The following SUSD5 variants were observed in gnomAD, a reference collection of about 807,000 sequenced individuals.
SUSD5 encodes sushi domain containing 5.
SUSD5 carries 33 observed loss-of-function variants against 29.5 expected under a neutral mutation model. That is an observed-to-expected ratio of 1.12 (90% CI 0.85 to 1.49). The LOEUF (loss-of-function observed/expected upper bound fraction) is 1.49. SUSD5 is among the 40% of genes most tolerant of loss of function. SUSD5 has a pLI of 0.00. For missense variants in SUSD5, 776 were observed against 800.6 expected (o/e 0.97, Z 0.37); for synonymous variants, 308 against 325.3 (o/e 0.95, Z 0.57).
At chr3:33,213,889 A>G in intron 2 of SUSD5, 39 bp downstream of exon 2, 6 of 1,557,912 alleles carry the variant, frequency 3.9e-6, no homozygotes, top group Admixed American at 3.6e-5. Flanking sequence ...TGGTGGTGCA[A>G]CTGGGGTGAG....
chr3:33,155,843 C>T (rs918145174), intron 4 of SUSD5, among the ~76,000 whole-genome samples: 3 of 152,058 alleles, frequency 2.0e-5, no homozygotes, highest in South Asian at 2.1e-4. Flanking sequence ...CTATGGATGT[C>T]GGAACTCAGG....
At chr3:33,195,764 G>T in intron 3 of SUSD5, among the ~76,000 whole-genome samples, 1 of 143,110 alleles carries the variant, frequency 7.0e-6, no homozygotes. Context: ...AAAACAGAAT[G>T]CAATCTTATA....
At chr3:33,210,627 A>G (rs2032305696) in intron 2 of SUSD5, among the ~76,000 whole-genome samples, 1 of 152,186 alleles carries the variant, frequency 6.6e-6, no homozygotes, top group Non-Finnish European at 1.5e-5. Flanking sequence ...TACAAGATGC[A>G]CCACACATTT....
At chr3:33,155,868 T>A (rs2031039226) in intron 4 of SUSD5, among the ~76,000 whole-genome samples, 1 of 152,142 alleles carries the variant, frequency 6.6e-6, no homozygotes, top group African/African-American at 2.4e-5. Context: ...TAGTTACACT[T>A]GGGTAGGAGA....
At chr3:33,163,882 C>A (rs1439573964) in intron 4 of SUSD5, among the ~76,000 whole-genome samples, 5 of 152,186 alleles carry the variant, frequency 3.3e-5, no homozygotes, top group Non-Finnish European at 7.3e-5. Context: ...CACCTGTAGT[C>A]CCAGCTACTT....
rs1012926035 is a variant in SUSD5, at chr3:33,176,886, C to T, written c.410-1812G>A. 3.9e-5 allele frequency among the ~76,000 whole-genome samples: 6 copies of T among 152,288 alleles called. No individual in the cohort carries two copies. In the South Asian group the frequency reaches 1.2e-3, roughly 32 times the overall value. On this transcript the variant is annotated intron_variant, in intron 3 of 4. Coordinates refer to ENST00000309558, the MANE Select transcript of SUSD5 (RefSeq NM_015551.2). ...CATTGTATTGCCTTTTCTCCTTAGT[C>T]AAAGATGAATCAACTATATTTATGT...
chr3:33,175,241 T>C (rs2031525143), intron 3 of SUSD5, among the ~76,000 whole-genome samples, 167 bp from the exon 4 acceptor site: 1 of 152,148 alleles, frequency 6.6e-6, no homozygotes, highest in Non-Finnish European at 1.5e-5. Flanking sequence ...CCTGGCAGAA[T>C]ACCTGGAATA....
Position 33,153,650 on chromosome 3 carries a change from T to G in SUSD5, c.982A>C (p.Lys328Gln). 1 of 1,614,042 alleles carries G rather than the reference T, an allele frequency of 6.2e-7. No individual in the cohort carries two copies. The highest frequency in any genetic ancestry group is 8.5e-7 in the Non-Finnish European group (1 of 1,179,904). Residue 328 changes from lysine (K) to glutamine (Q), a missense_variant, in exon 5 of 5, where the codon AAA becomes CAA. By Grantham distance (53) the Lys-to-Gln change is moderately conservative. Transcript: ENST00000309558. ...GTTTCAGGTTCACCTGGGACCAATTTTACACCACTGTGGTTGTCTCCAGCA... is the reference window on the plus strand; with the variant it reads ...GTTTCAGGTTCACCTGGGACCAATTGTACACCACTGTGGTTGTCTCCAGCA... ...FSAGDNHSGVKLVPGEPETKV... is the reference protein window; with the variant it reads ...FSAGDNHSGVQLVPGEPETKV...
intron 4 of SUSD5, chr3:33,168,472 A>G (rs1429770613): frequency 9.3e-6 from 9 of 970,324 alleles, no homozygotes; most frequent in Non-Finnish European, 1.1e-5. Context: ...TTAATTTAAG[A>G]AAACAAAATA....
intron 4 of SUSD5, among the ~76,000 whole-genome samples, chr3:33,156,370 T>C (rs1216496375): frequency 6.6e-6 from 1 of 152,118 alleles, no homozygotes; most frequent in African/African-American, 2.4e-5. Flanking sequence ...ACTGATTTGC[T>C]CTCTGTAAAA....
intron 3 of SUSD5, among the ~76,000 whole-genome samples, chr3:33,192,249 C>CTTTTTTTTT: frequency 7.6e-6 from 1 of 131,902 alleles, no homozygotes. Context: ...AATTTTTTTT[C>CTTTTTTTTT]TTTTTTTTTT....
At chr3:33,154,118 A>C in intron 4 of SUSD5, 85 bp from the exon 5 acceptor site, 1 of 1,129,088 alleles carries the variant, frequency 8.9e-7, no homozygotes, top group East Asian at 2.6e-5. Flanking sequence ...TAAAAGCATA[A>C]AGGCTGGGAC....
Position 33,167,852 on chromosome 3 carries a change from C to G in SUSD5, c.598+7034G>C, listed in dbSNP as rs2031337118. On this transcript the variant is annotated intron_variant, in intron 4 of 4. Transcript: ENST00000309558. The surrounding 1 kb of genome is among the most constrained non-coding windows in gnomAD (Gnocchi z 4.1). ...TCCCCTCTGCTTTCCTGAGTCTGCA[C>G]TCTGACTCAGATCATTCAGCCATCC... is the stretch of plus-strand genomic sequence containing the variant. 6.6e-6 allele frequency among the ~76,000 whole-genome samples: 1 copy of G among 152,196 alleles called. No homozygotes were observed. The highest frequency in any genetic ancestry group is 2.4e-5 in the African/African-American group (1 of 41,450).
chr3:33,188,957 T>A (rs902597576), intron 3 of SUSD5, among the ~76,000 whole-genome samples: 1 of 152,330 alleles, frequency 6.6e-6, no homozygotes, highest in African/African-American at 2.4e-5. Context: ...TATAAGTGGT[T>A]GAAAATTATT....
At chr3:33,190,838 G>C (rs545985515) in intron 3 of SUSD5, among the ~76,000 whole-genome samples, 24 of 152,270 alleles carry the variant, frequency 1.6e-4, no homozygotes, top group African/African-American at 5.8e-4. Context: ...TATCACAGCA[G>C]AGGACCTAGA....
At chr3:33,182,866 A>G (rs2031700840) in intron 3 of SUSD5, among the ~76,000 whole-genome samples, 1 of 150,594 alleles carries the variant, frequency 6.6e-6, no homozygotes, top group Admixed American at 6.6e-5. Context: ...GGCTCACTGC[A>G]AGCTCTGCCT....
At chr3:33,196,654 T>C (rs919587779) in intron 3 of SUSD5, among the ~76,000 whole-genome samples, 1 of 152,226 alleles carries the variant, frequency 6.6e-6, no homozygotes, top group Non-Finnish European at 1.5e-5. Flanking sequence ...GGGAAAGTTT[T>C]CTTCTAAGTC....
chr3:33,166,787 A>T (rs2031313321), intron 4 of SUSD5, among the ~76,000 whole-genome samples: 1 of 152,262 alleles, frequency 6.6e-6, no homozygotes. Flanking sequence ...CAGCCAGGGC[A>T]TCATTTGATT....
At chr3:33,159,720 C>CAA (rs1267208620) in intron 4 of SUSD5, among the ~76,000 whole-genome samples, 1 of 151,678 alleles carries the variant, frequency 6.6e-6, no homozygotes, top group Non-Finnish European at 1.5e-5. Context: ...CACACACACA[C>CAA]ACACAAACAC....
Sources: gnomAD v4.1 joint callset for allele counts (sites outside exome capture counted in the v4.1 genomes callset) on GRCh38, gnomAD v4.1.1 for gene constraint, Gnocchi (gnomAD v3.1) non-coding constraint, MANE v1.5 for transcripts, NCBI Gene and HGNC (gene_info 2026-07-23, HGNC 2026-07-21) for gene names.